The following AXIN2 variants were observed in gnomAD, a reference collection of about 807,000 sequenced individuals.
The protein encoded by AXIN2 is axin-2.
Under a neutral mutation model 74.7 loss-of-function variants are expected in AXIN2, and 21 were observed. The ratio of observed to expected loss-of-function variants is 0.28; its 90% CI spans 0.20 to 0.40. AXIN2 has a LOEUF of 0.40. Ranked by LOEUF, AXIN2 falls within the 10% of genes least tolerant of loss-of-function variation. The pLI is 1.00. For synonymous variants in AXIN2, 532 were observed against 454.9 expected, an observed-to-expected ratio of 1.17 and a Z score of -2.16; for missense variants, 1,144 against 1,111.1, an observed-to-expected ratio of 1.03 and a Z score of -0.42.
rs1555584836 is a variant in AXIN2, at chr17:65,561,430, G to A, written c.-117+20C>T. 1 of 149,830 alleles carries A rather than the reference G, an allele frequency of 6.7e-6. No individual in the cohort carries two copies. Among genetic ancestry groups the A allele is most frequent in the Non-Finnish European group, 1.5e-5 (1 of 67,236 alleles). 9.3% of individuals were successfully genotyped at this position (149,830 alleles called of 1,614,324 possible). On this transcript the variant is annotated intron_variant, in intron 1 of 10. Coordinates refer to ENST00000307078, the MANE Select transcript of AXIN2 (RefSeq NM_004655.4). ...GCTTTCTTTGAAGCGGCTCCGCTGG[G>A]GCCGAGCTTCCACCCCCACCTTTTA...
intron 3 of AXIN2, among the ~76,000 whole-genome samples, chr17:65,545,593 T>C (rs1261009387): frequency 6.6e-6 from 1 of 151,510 alleles, no homozygotes; most frequent in African/African-American, 2.4e-5. Flanking sequence ...GAGGCGGAGG[T>C]TCCAGTGAGC....
intron 7 of AXIN2, 74 bp downstream of exon 7, chr17:65,536,795 C>T: frequency 6.3e-7 from 1 of 1,590,960 alleles, no homozygotes; most frequent in Non-Finnish European, 8.6e-7. Flanking sequence ...ACTGCAAAAA[C>T]AGCCATTCCC....
chr17:65,535,802 T>G, intron 8 of AXIN2, 81 bp from the exon 9 acceptor site: 1 of 1,313,746 alleles, frequency 7.6e-7, no homozygotes, highest in South Asian at 1.2e-5. Flanking sequence ...AAAATTACTA[T>G]TTGGCCTCCT....
At position 65,528,656 on chromosome 17, in the gene AXIN2, G is replaced by A. The variant is rs1472567605; in HGVS notation, c.*1320C>T. On this transcript the variant is annotated 3_prime_UTR_variant, in exon 11 of 11. Coordinates refer to ENST00000307078, the MANE Select transcript of AXIN2 (RefSeq NM_004655.4). ...TTTCCTTAAATGAACTCTTTATAAT[G>A]CATAATTTACAGTATAAGTAGAACA... The A allele has an allele frequency of 5.8e-6, 3 of 516,360 alleles. No individual in the cohort carries two copies. The highest frequency in any genetic ancestry group is 2.5e-5 in the Admixed American group (1 of 39,238). The allele number at this position is 516,360 out of a possible 1,614,324, so 32.0% of individuals were successfully genotyped here. A position where few individuals can be genotyped will look rare whatever the true frequency, so the allele number is the denominator to read the frequency against.
rs1338882293 is a variant in AXIN2, at chr17:65,536,278, C to A, written c.2141+42G>T. On this transcript the variant is annotated intron_variant, in intron 8 of 10. Transcript: ENST00000307078. The stretch of plus-strand genomic sequence containing the variant: ...GCCACAGACCAGGTCTCCACCCAAA[C>A]CCAATCCCTGCCTCAACCTAGGACC... 5 of 1,560,074 alleles carry A rather than the reference C, an allele frequency of 3.2e-6. No homozygotes were observed. The South Asian group carries it at 4.7e-5, about 15-fold the overall frequency.
chr17:65,536,192 G>C (rs2043910913), intron 8 of AXIN2, 128 bp downstream of exon 8: 3 of 964,286 alleles, frequency 3.1e-6, no homozygotes, highest in South Asian at 1.4e-5. Context: ...TCATCCATAA[G>C]TAATTCTTCT....
Position 65,541,542 on chromosome 17 carries a change from A to C in AXIN2, c.972T>G (p.Pro324=), listed in dbSNP as rs1165023118. 6.2e-7 allele frequency: 1 copy of C among 1,613,918 alleles called. No homozygotes were observed. The highest frequency in any genetic ancestry group is 1.3e-5 in the African/African-American group (1 of 74,914). ...MTDSSVDGIP[P]YRVGSKKQLQ... ...GCTGTTTCTTACTGCCCACACGATA[A>C]GGAGGAATTCCATCTCTAAGGGAAA... Residue 324 remains proline (P), a synonymous_variant, in exon 4 of 11, where the codon CCT becomes CCG. Coordinates refer to ENST00000307078, the MANE Select transcript of AXIN2 (RefSeq NM_004655.4).
At chr17:65,551,060 T>C (rs2044185437) in intron 2 of AXIN2, among the ~76,000 whole-genome samples, 1 of 152,172 alleles carries the variant, frequency 6.6e-6, no homozygotes, top group African/African-American at 2.4e-5. Context: ...TGCCTCCCAA[T>C]ACAAAGACTA....
chr17:65,532,915 A>G (rs2043848368), intron 10 of AXIN2, among the ~76,000 whole-genome samples: 1 of 152,174 alleles, frequency 6.6e-6, no homozygotes, highest in Non-Finnish European at 1.5e-5. Context: ...CCCCTGTCTC[A>G]CCCTTGTCCC....
intron 10 of AXIN2, among the ~76,000 whole-genome samples, chr17:65,533,087 G>A (rs2144411446): frequency 6.6e-6 from 1 of 152,338 alleles, no homozygotes; most frequent in Middle Eastern, 3.4e-3. Context: ...GAGAAGGAAT[G>A]GCCTAGGGCT....
In AXIN2 at chr17:65,536,582, A is replaced by G. The variant is rs1230017938; in HGVS notation, c.1908-29T>C. ...AACAAGGAATGAGCAGAGAGAAAACAGAAGGAAAGAAACTGGGTTAGAAGA... is the reference window on the plus strand; with the variant it reads ...AACAAGGAATGAGCAGAGAGAAAACGGAAGGAAAGAAACTGGGTTAGAAGA... On this transcript the variant is annotated intron_variant, in intron 7 of 10. Coordinates refer to ENST00000307078, the MANE Select transcript of AXIN2 (RefSeq NM_004655.4). 3.7e-6 allele frequency: 6 copies of G among 1,610,452 alleles called. 1 individual carries two copies. Among genetic ancestry groups the G allele is most frequent in the Non-Finnish European group, 5.1e-6 (6 of 1,177,258 alleles).
At chr17:65,535,500 T>C in intron 9 of AXIN2, 126 bp downstream of exon 9, 1 of 870,552 alleles carries the variant, frequency 1.1e-6, no homozygotes, top group Non-Finnish European at 1.9e-6. Context: ...TCCTCATCAC[T>C]AGCGCTAAAA....
intron 4 of AXIN2, among the ~76,000 whole-genome samples, chr17:65,539,400 G>A (rs902153712): frequency 6.6e-6 from 1 of 152,214 alleles, no homozygotes; most frequent in African/African-American, 2.4e-5. Context: ...TTCTCACACA[G>A]GCTGGCTCCT....
chr17:65,538,166 G>GGAAGA (rs760263280), intron 5 of AXIN2, 37 bp downstream of exon 5: 1 of 1,613,710 alleles, frequency 6.2e-7, no homozygotes, highest in Non-Finnish European at 8.5e-7. Context: ...CGCTCACGCC[G>GGAAGA]TGGACGGAAG....
At position 65,558,587 on chromosome 17, in the gene AXIN2, C is replaced by A. The variant is rs1064793821; in HGVS notation, c.34G>T (p.Asp12Tyr). Reference sequence around the variant, plus strand: ...TCCTCACGGAAGCTGCTGCTGGGGTCCGGGAGGCAAGTCACCAACATAGCG... The same window carrying A: ...TCCTCACGGAAGCTGCTGCTGGGGTACGGGAGGCAAGTCACCAACATAGCG... ...SSAMLVTCLP[D>Y]PSSSFREDAP... Residue 12 changes from aspartate (D) to tyrosine (Y), a missense_variant, in exon 2 of 11, where the codon GAC (aspartate) becomes TAC (tyrosine). Physicochemically the swap from Asp to Tyr is radical, Grantham distance 160. Transcript: ENST00000307078. 1 of 1,610,552 alleles carries A rather than the reference C, an allele frequency of 6.2e-7. No homozygotes were observed. Among genetic ancestry groups the A allele is most frequent in the South Asian group, 1.1e-5 (1 of 91,068 alleles).
Position 65,538,205 on chromosome 17 carries a change from C to G in AXIN2, c.1198G>C (p.Glu400Gln), listed in dbSNP as rs989632217. 42 of 1,614,124 alleles carry G rather than the reference C, an allele frequency of 2.6e-5. No individual in the cohort carries two copies. Among genetic ancestry groups the G allele is most frequent in the Non-Finnish European group, 3.6e-5 (42 of 1,180,058 alleles). ...SLEERLQQIREDEEREGSELT... is the reference protein window; with the variant it reads ...SLEERLQQIRQDEEREGSELT... ...GAAGAAGGCCTAGGCCGCATTACCT[C>G]TCGGATCTGCTGCAGGCGCTCCTCC... Residue 400 changes from glutamate (E) to glutamine (Q), a missense_variant and splice_region_variant, in exon 5 of 11, where the codon GAG (glutamate) becomes CAG (glutamine). Glu to Gln is a conservative substitution (Grantham distance 29). This residue lies in a region of AXIN2 where 1,053 missense variants were observed against 973.5 expected (regional missense o/e 1.08). Transcript: ENST00000307078.
intron 3 of AXIN2, among the ~76,000 whole-genome samples, chr17:65,543,708 A>G (rs917103196): frequency 2.0e-5 from 3 of 152,176 alleles, no homozygotes; most frequent in South Asian, 2.1e-4. Context: ...CCCAGCCCCA[A>G]TCAGCAGTCA....
chr17:65,542,815 T>G (rs1014957465), intron 3 of AXIN2, among the ~76,000 whole-genome samples: 1 of 152,194 alleles, frequency 6.6e-6, no homozygotes, highest in Non-Finnish European at 1.5e-5. Context: ...ACTTGGAGGC[T>G]GTAAATATTG....
Position 65,537,049 on chromosome 17 carries a change from C to G in AXIN2, c.1727G>C (p.Ser576Thr), listed in dbSNP as rs764205632. Reference sequence around the variant, plus strand: ...TTTCCCATTGCGTTTGGGCAAGGTACTGCCTCTGCTGCCGCTGTGGGGAAC... The same window carrying G: ...TTTCCCATTGCGTTTGGGCAAGGTAGTGCCTCTGCTGCCGCTGTGGGGAAC... ...PSEQFGGSRG[S>T]TLPKRNGKGT... Residue 576 changes from serine (S) to threonine (T), a missense_variant, in exon 7 of 11, where the codon AGT (serine) becomes ACT (threonine). Coordinates refer to ENST00000307078, the MANE Select transcript of AXIN2 (RefSeq NM_004655.4). The G allele has an allele frequency of 5.0e-6, 8 of 1,605,308 alleles. No individual in the cohort carries two copies. Among genetic ancestry groups the G allele is most frequent in the Non-Finnish European group, 6.8e-6 (8 of 1,179,426 alleles).
Sources: allele counts gnomAD v4.1 joint callset (sites outside exome capture counted in the v4.1 genomes callset), GRCh38; gene constraint gnomAD v4.1.1; regional missense constraint gnomAD v4.1.1; transcripts MANE v1.5; gene names NCBI Gene and HGNC (gene_info 2026-07-23, HGNC 2026-07-21).